The following NFATC2 variants were observed in gnomAD, a reference collection of about 807,000 sequenced individuals.
NFATC2 encodes the protein nuclear factor of activated T-cells, cytoplasmic 2.
A neutral mutation model predicts 87.3 loss-of-function variants in NFATC2; 22 were observed. The observed-to-expected ratio is 0.25, with a 90% CI of 0.18 to 0.36. The LOEUF is 0.36. Among genes scored for constraint, NFATC2 ranks in the 10% least tolerant of loss-of-function variants. The probability of loss-of-function intolerance (pLI) is 1.00; values close to 1 mark genes in which losing one functional copy is unlikely to be tolerated. For synonymous variants in NFATC2, 565 were observed against 542.2 expected (o/e 1.04, Z -0.58); for missense variants, 1,149 against 1,259.1 (o/e 0.91, Z 1.32).
intron 1 of NFATC2, among the ~76,000 whole-genome samples, chr20:51,551,429 G>A (rs960145426): frequency 4.6e-5 from 7 of 151,904 alleles, no homozygotes; most frequent in South Asian, 2.1e-4. Flanking sequence ...TTTGAGACAG[G>A]GTCCCACTCA....
chr20:51,517,874 GCCA>G (rs1309614909), intron 2 of NFATC2, among the ~76,000 whole-genome samples: 1 of 147,804 alleles, frequency 6.8e-6, no homozygotes, highest in Non-Finnish European at 1.5e-5. Flanking sequence ...CTGAAATTGC[GCCA>G]CTGCACTTTA....
rs369662142 is a variant in NFATC2 at position 51,391,473 on chromosome 20, G to GA, written c.*45-23_*45-22insT. 1.3e-4 allele frequency: 208 copies of GA among 1,590,526 alleles called. 2 individuals are homozygous for GA. The African/African-American group carries it at 1.9e-3, about 15-fold the overall frequency. On this transcript the variant is annotated intron_variant, in intron 10 of 10. Coordinates refer to ENST00000371564, the MANE Select transcript of NFATC2 (RefSeq NM_012340.5). The stretch of plus-strand genomic sequence containing the variant: ...TTAACTACAAAAGAAAAGAGGAGGG[G>GA]GGGGGAGAGAGAATGGGGCAAGTGA...
Position 51,443,985 on chromosome 20 carries a change from GTGTT to G in NFATC2, c.1850-8228_1850-8225del, listed in dbSNP as rs144777956. ...AAAGTAACATCATAGCCTTTGTTTT[GTGTT>G]TGTTTGTTTTTGAAACAGGGTCTCA... On this transcript the variant is annotated intron_variant, in intron 6 of 10. Transcript: ENST00000371564. Among the ~76,000 whole-genome samples, 1,638 of 151,970 alleles carry G rather than the reference GTGTT, an allele frequency of 0.011. 57 individuals carry two copies. In the East Asian group the frequency reaches 0.13, roughly 12 times the overall value.
At chr20:51,467,525 C>T (rs1283156293) in intron 5 of NFATC2, among the ~76,000 whole-genome samples, 3 of 151,306 alleles carry the variant, frequency 2.0e-5, no homozygotes, top group African/African-American at 7.3e-5. Context: ...CCATTGCACT[C>T]CAGCCTAGGG....
intron 3 of NFATC2, among the ~76,000 whole-genome samples, chr20:51,510,560 T>C (rs563900034): frequency 7.9e-5 from 12 of 152,384 alleles, no homozygotes; most frequent in South Asian, 2.1e-4. Flanking sequence ...TTAAGATTCA[T>C]TGGTTCCTCT....
Position 51,388,426 on chromosome 20 carries a change from C to T in NFATC2, c.*3070G>A, listed in dbSNP as rs1985990420. ...CTTCTAGAGAGGTGACTAACAGGCT[C>T]TGAGTGGGGGTTTTATTATATGGGT... On this transcript the variant is annotated 3_prime_UTR_variant, in exon 11 of 11. Coordinates refer to ENST00000371564, the MANE Select transcript of NFATC2 (RefSeq NM_012340.5). 1 of 151,798 alleles carries T rather than the reference C, an allele frequency of 6.6e-6. No individual in the cohort carries two copies. Among genetic ancestry groups the T allele is most frequent in the African/African-American group, 2.4e-5 (1 of 41,292 alleles). 9.4% of individuals were successfully genotyped at this position (151,798 alleles called of 1,614,324 possible).
At chr20:51,502,997 A>G (rs2076115249) in intron 3 of NFATC2, among the ~76,000 whole-genome samples, 1 of 152,222 alleles carries the variant, frequency 6.6e-6, no homozygotes, top group South Asian at 2.1e-4. Context: ...ATCATTTATT[A>G]GGAAGGTAAA....
intron 3 of NFATC2, among the ~76,000 whole-genome samples, chr20:51,487,954 G>A (rs542538187): frequency 7.9e-5 from 12 of 152,260 alleles, no homozygotes; most frequent in Admixed American, 3.3e-4. Flanking sequence ...GCGAGACGGC[G>A]CTGAGACGGG....
intron 3 of NFATC2, among the ~76,000 whole-genome samples, chr20:51,494,295 C>T (rs374974417): frequency 3.3e-5 from 5 of 152,034 alleles, no homozygotes; most frequent in South Asian, 2.1e-4. Flanking sequence ...CGGCACAGGG[C>T]GGGTGCCACT....
intron 9 of NFATC2, among the ~76,000 whole-genome samples, chr20:51,402,385 T>C (rs962706485): frequency 1.3e-5 from 2 of 151,966 alleles, no homozygotes; most frequent in Non-Finnish European, 2.9e-5. Context: ...TACTTCCTTG[T>C]CCTTCAGCCA....
chr20:51,481,947 G>A (rs749192583), intron 3 of NFATC2, among the ~76,000 whole-genome samples: 1 of 152,182 alleles, frequency 6.6e-6, no homozygotes, highest in Admixed American at 6.5e-5. Context: ...GCTCAGAGAA[G>A]AGCAGTGTTA....
rs1986135604 is a variant in NFATC2 at position 51,389,843 on chromosome 20, T to G, written c.*1653A>C. On this transcript the variant is annotated 3_prime_UTR_variant, in exon 11 of 11. Transcript: ENST00000371564. Reference sequence around the variant, plus strand: ...GCACTGAGTGGCCATGACTTTCTTCTGAGGCCTTCTGCCTACAGACTGTAC... The same window carrying G: ...GCACTGAGTGGCCATGACTTTCTTCGGAGGCCTTCTGCCTACAGACTGTAC... 6.6e-6 allele frequency: 1 copy of G among 152,204 alleles called. No homozygotes were observed. The highest frequency in any genetic ancestry group is 2.4e-5 in the African/African-American group (1 of 41,446). 9.4% of individuals were successfully genotyped at this position (152,204 alleles called of 1,614,324 possible). A position where few individuals can be genotyped will look rare whatever the true frequency, so the allele number is the denominator to read the frequency against.
chr20:51,448,504 C>T (rs1420099496), intron 6 of NFATC2, among the ~76,000 whole-genome samples: 2 of 152,170 alleles, frequency 1.3e-5, no homozygotes, highest in Non-Finnish European at 2.9e-5. Context: ...ATTAGCCAGG[C>T]GTCGTGGCAG....
chr20:51,442,920 A>G (rs1287397921), intron 6 of NFATC2, among the ~76,000 whole-genome samples: 1 of 152,134 alleles, frequency 6.6e-6, no homozygotes, highest in Non-Finnish European at 1.5e-5. Context: ...GCAGGGCCGA[A>G]CATTCCACCC....
chr20:51,542,746 A>T, upstream of NFATC2: 1 of 7,840 alleles, frequency 1.3e-4, no homozygotes, highest in Non-Finnish European at 1.5e-4. Flanking sequence ...CAGCCCGGGG[A>T]GGCGGGGGGG....
At chr20:51,483,972 T>G (rs186409709) in intron 3 of NFATC2, among the ~76,000 whole-genome samples, 2 of 152,174 alleles carry the variant, frequency 1.3e-5, no homozygotes, top group Non-Finnish European at 2.9e-5. Context: ...TTAGAGCTTT[T>G]GCCACCTCTG....
Position 51,417,732 on chromosome 20 carries a change from C to T in NFATC2, c.2722+14335G>A, listed in dbSNP as rs183966160. ...GAGGCCCCATCCATTTGGTTCACTTCTGTGTCCCAGCACCTACCACCAAGC... is the reference window on the plus strand; with the variant it reads ...GAGGCCCCATCCATTTGGTTCACTTTTGTGTCCCAGCACCTACCACCAAGC... On this transcript the variant is annotated intron_variant, in intron 9 of 10. Transcript: ENST00000371564. Among the ~76,000 whole-genome samples, 9 of 152,372 alleles carry T rather than the reference C, an allele frequency of 5.9e-5. No individual in the cohort carries two copies. In the East Asian group the frequency reaches 1.5e-3, roughly 26 times the overall value.
At chr20:51,555,147 G>A (rs145538919) in intron 1 of NFATC2, among the ~76,000 whole-genome samples, 1,670 of 152,276 alleles carry the variant, frequency 0.011, 17 homozygotes, top group Non-Finnish European at 0.016. Context: ...CTGTTTGCCT[G>A]CCTAGCATTC....
intron 1 of NFATC2, among the ~76,000 whole-genome samples, chr20:51,526,361 C>T (rs755425819): frequency 1.3e-5 from 2 of 152,164 alleles, no homozygotes; most frequent in Non-Finnish European, 2.9e-5. Context: ...TATACTACAA[C>T]AGCAGAGTTG....
Sources: allele counts gnomAD v4.1 joint callset (sites outside exome capture counted in the v4.1 genomes callset), GRCh38; gene constraint gnomAD v4.1.1; transcripts MANE v1.5; gene names NCBI Gene and HGNC (gene_info 2026-07-23, HGNC 2026-07-21).